The following LIN37 variants were observed in gnomAD, a reference collection of about 807,000 sequenced individuals.
The protein encoded by LIN37 is lin-37 DREAM MuvB core complex component.
A neutral mutation model predicts 38.0 loss-of-function variants in LIN37; 21 were observed. The ratio of observed to expected loss-of-function variants is 0.55; its 90% CI spans 0.39 to 0.80. The LOEUF (loss-of-function observed/expected upper bound fraction) is 0.80, where lower values mean the gene tolerates loss of function less well. Among genes scored for constraint, LIN37 ranks in the 30% least tolerant of loss-of-function variants. LIN37 has a pLI of 0.00. For synonymous variants in LIN37, 126 were observed against 122.9 expected (o/e 1.03, Z -0.17); for missense variants, 273 against 338.5 (o/e 0.81, Z 1.52).
At chr19:35,753,664 C>A (rs1217541734) in intron 6 of LIN37, 15 of 493,770 alleles carry the variant, frequency 3.0e-5, no homozygotes, top group Non-Finnish European at 5.2e-5. Flanking sequence ...CCAGGACAGA[C>A]ATATAGGACC....
Position 35,754,111 on chromosome 19 carries a change from T to G in LIN37, c.539T>G (p.Ile180Ser), listed in dbSNP as rs781713095. The change falls in exon 7 of 9, where the codon ATC (isoleucine) becomes AGC (serine). Residue 180 changes from isoleucine (I) to serine (S), a missense_variant. Transcript: ENST00000301159. ...CCCGGAGATGCCTGCAGATCCCGCA[T>G]CCCATCTCCACTGCAGCCTGAGATG... ...GPPGDACRSR[I>S]PSPLQPEMQG... The G allele has an allele frequency of 9.9e-6, 16 of 1,613,926 alleles. No individual in the cohort carries two copies. The Middle Eastern group carries it at 4.9e-4, about 50-fold the overall frequency.
At chr19:35,748,796 G>C (rs771609475) in intron 1 of LIN37, 38 bp downstream of exon 1, 15 of 1,613,556 alleles carry the variant, frequency 9.3e-6, no homozygotes, top group East Asian at 8.9e-5. Context: ...CGGGACCATC[G>C]GGTTGACAGG....
intron 1 of LIN37, 105 bp from the exon 2 acceptor site, chr19:35,752,071 A>C: frequency 1.2e-6 from 1 of 818,268 alleles, no homozygotes; most frequent in Non-Finnish European, 2.0e-6. Context: ...CCTGGCTCTG[A>C]GATTGGCCAG....
chr19:35,750,867 A>C (rs1326558747), intron 1 of LIN37, among the ~76,000 whole-genome samples: 1 of 152,128 alleles, frequency 6.6e-6, no homozygotes, highest in Non-Finnish European at 1.5e-5. Flanking sequence ...AGGCTGAGGC[A>C]GGAGAATCAC....
chr19:35,754,399 G>C lies in LIN37; in HGVS notation c.666G>C (p.Lys222Asn). The C allele has an allele frequency of 6.2e-7, 1 of 1,614,058 alleles. No homozygotes were observed. The highest frequency in any genetic ancestry group is 8.5e-7 in the Non-Finnish European group (1 of 1,179,902). The change falls in exon 9 of 9, where the codon AAG becomes AAC. Residue 222 changes from lysine to asparagine, a missense_variant. Physicochemically the swap from Lys to Asn is moderately conservative, Grantham distance 94. Transcript: ENST00000301159. ...CTCCCCTCTGCCTCCCCAGGTGGAAGGAGGCCTCTCATCGGAACCAGCTTC... is the reference window on the plus strand; with the variant it reads ...CTCCCCTCTGCCTCCCCAGGTGGAACGAGGCCTCTCATCGGAACCAGCTTC... Reference protein sequence around the residue: ...QRWKRIRQRWKEASHRNQLRY... With the variant: ...QRWKRIRQRWNEASHRNQLRY...
chr19:35,748,804 A>C (rs1371032675), intron 1 of LIN37, 46 bp downstream of exon 1: 2 of 1,613,266 alleles, frequency 1.2e-6, no homozygotes, highest in African/African-American at 1.3e-5. Context: ...TCGGGTTGAC[A>C]GGGTGTGGAG....
At chr19:35,753,295 G>A (rs1970707705) in intron 6 of LIN37, 42 bp downstream of exon 6, 1 of 1,538,784 alleles carries the variant, frequency 6.5e-7, no homozygotes, top group African/African-American at 1.4e-5. Flanking sequence ...CCTGGTGCCA[G>A]GGCAGTGGGT....
intron 1 of LIN37, among the ~76,000 whole-genome samples, chr19:35,751,222 G>A (rs1970678343): frequency 6.6e-6 from 1 of 152,126 alleles, no homozygotes; most frequent in East Asian, 1.9e-4. Flanking sequence ...TTGGGAGGCT[G>A]AGGCAGGAGA....
In LIN37 at chr19:35,754,002, C is replaced by T. The variant is rs1235478740; in HGVS notation, c.445-15C>T. ...TGACTCTCTTGGGCCTGGCATGGGG[C>T]CCTTGTGTCCCCAGGGCTCAGAGGT... On this transcript the variant is annotated splice_polypyrimidine_tract_variant and intron_variant, in intron 6 of 8. Transcript: ENST00000301159. The T allele has an allele frequency of 1.9e-6, 3 of 1,610,596 alleles. No individual in the cohort carries two copies. The highest frequency in any genetic ancestry group is 2.5e-6 in the Non-Finnish European group (3 of 1,177,994).
Position 35,753,014 on chromosome 19 carries a change from G to T in LIN37, c.277+15G>T. ...GCAGCGATCCAGTGAGTAGACAGTG[G>T]CCCTAGAGGGTCGGTAAGGAGCCAA... On this transcript the variant is annotated intron_variant, in intron 5 of 8. Transcript: ENST00000301159. 6.4e-7 allele frequency: 1 copy of T among 1,568,876 alleles called. No homozygotes were observed.
At chr19:35,752,598 C>T in intron 3 of LIN37, 114 bp downstream of exon 3, 1 of 1,290,106 alleles carries the variant, frequency 7.8e-7, no homozygotes, top group South Asian at 1.3e-5. Context: ...CGGACCACTC[C>T]ACCTGTACAA....
rs765010038 is a variant in LIN37, at chr19:35,754,414, G to C, written c.681G>C (p.Arg227=). 4 of 1,614,020 alleles carry C rather than the reference G, an allele frequency of 2.5e-6. No individual in the cohort carries two copies. The highest frequency in any genetic ancestry group is 1.3e-5 in the African/African-American group (1 of 75,060). ...CCAGGTGGAAGGAGGCCTCTCATCGGAACCAGCTTCGTTACTCAGAAAGCA... is the reference window on the plus strand; with the variant it reads ...CCAGGTGGAAGGAGGCCTCTCATCGCAACCAGCTTCGTTACTCAGAAAGCA... ...IRQRWKEASH[R]NQLRYSESMK... is the part of the protein sequence containing the mutation. Residue 227 remains arginine (R), a synonymous_variant, in exon 9 of 9, where the codon CGG becomes CGC. Coordinates refer to ENST00000301159, the MANE Select transcript of LIN37 (RefSeq NM_019104.3).
chr19:35,754,076 C>CACACCACATCT lies in LIN37; in HGVS notation c.504_505insACACCACATCT (p.Pro169ThrfsTer72). 1 of 1,613,938 alleles carries CACACCACATCT rather than the reference C, an allele frequency of 6.2e-7. No homozygotes were observed. Among genetic ancestry groups the CACACCACATCT allele is most frequent in the African/African-American group, 1.3e-5 (1 of 75,048 alleles). On this transcript the variant is annotated frameshift_variant, in exon 7 of 9. Coordinates refer to ENST00000301159, the MANE Select transcript of LIN37 (RefSeq NM_019104.3). LOFTEE classifies it high-confidence loss of function. ...TGTACAAGCTGCCGCCACCCACACC[C>CACACCACATCT]CCGGGGCCACCCGGAGATGCCTGCA...
chr19:35,750,471 A>G (rs1970666222), intron 1 of LIN37, among the ~76,000 whole-genome samples: 1 of 152,120 alleles, frequency 6.6e-6, no homozygotes, highest in Non-Finnish European at 1.5e-5. Context: ...CCAGGCTCTG[A>G]GCACTAGAGC....
chr19:35,751,930 A>C (rs1407144740), intron 1 of LIN37: 5 of 337,556 alleles, frequency 1.5e-5, no homozygotes, highest in Non-Finnish European at 2.2e-5. Flanking sequence ...TAAAACCCAA[A>C]AGGCTCATAA....
In LIN37 at chr19:35,754,469, C is replaced by T; in HGVS notation, c.736C>T (p.Gln246Ter). 13 of 1,613,942 alleles carry T rather than the reference C, an allele frequency of 8.1e-6. No homozygotes were observed. The highest frequency in any genetic ancestry group is 1.1e-5 in the Non-Finnish European group (13 of 1,179,826). The change falls in exon 9 of 9, where the codon CAG (glutamine) becomes TAG (stop). Residue 246 changes from glutamine to a stop codon, truncating the protein, a stop_gained. Transcript: ENST00000301159. LOFTEE classifies it high-confidence loss of function. ...GATCCTACGAGAGATGTACGAACGA[C>T]AGTGATGTTCCCAGGTCCCCCCACA... ...MKILREMYER[Q>*]
Position 35,753,198 on chromosome 19 carries a change from G to A in LIN37, c.389G>A (p.Arg130His), listed in dbSNP as rs201290153. 4,247 of 1,568,526 alleles carry A rather than the reference G, an allele frequency of 2.7e-3. 14 individuals carry two copies. The highest frequency in any genetic ancestry group is 3.3e-3 in the Non-Finnish European group (3,836 of 1,157,266). Residue 130 changes from arginine to histidine, a missense_variant, in exon 6 of 9, where the codon CGC (arginine) becomes CAC (histidine). Physicochemically the swap from Arg to His is conservative, Grantham distance 29. Transcript: ENST00000301159. ...TGGATGCGCAACAGCCCCTCTGTGC[G>A]CGAGCGTGAATGCTCTCCCAGCTCA... Reference protein sequence around the residue: ...RAWMRNSPSVRERECSPSSPL... With the variant: ...RAWMRNSPSVHERECSPSSPL...
rs753542500 is a variant in LIN37, at chr19:35,754,240, A to C, written c.586-6A>C. On this transcript the variant is annotated splice_region_variant and splice_polypyrimidine_tract_variant and intron_variant, in intron 7 of 8. Coordinates refer to ENST00000301159, the MANE Select transcript of LIN37 (RefSeq NM_019104.3). ...GCCACTCAACCTGGCCTGTCTGTCCATGCAGCCCTCTGAGCCCGAGCCCTC... is the reference window on the plus strand; with the variant it reads ...GCCACTCAACCTGGCCTGTCTGTCCCTGCAGCCCTCTGAGCCCGAGCCCTC... The C allele has an allele frequency of 2.5e-6, 4 of 1,614,004 alleles. No individual in the cohort carries two copies. The East Asian group carries it at 8.9e-5, about 36-fold the overall frequency.
At chr19:35,751,228 G>A (rs528752002) in intron 1 of LIN37, among the ~76,000 whole-genome samples, 1 of 152,034 alleles carries the variant, frequency 6.6e-6, no homozygotes, top group South Asian at 2.1e-4. Context: ...GGCTGAGGCA[G>A]GAGAATCACT....
Sources: allele counts gnomAD v4.1 joint callset (sites outside exome capture counted in the v4.1 genomes callset), GRCh38; gene constraint gnomAD v4.1.1; transcripts MANE v1.5; gene names NCBI Gene and HGNC (gene_info 2026-07-23, HGNC 2026-07-21).